PTPRT: variants seen among roughly 807,000 people sequenced by gnomAD.
PTPRT encodes the protein receptor-type tyrosine-protein phosphatase T.
Under a neutral mutation model 176.8 loss-of-function variants are expected in PTPRT, and 56 were observed. That is an observed-to-expected ratio of 0.32 (90% CI 0.26 to 0.40). The LOEUF is 0.40. Ranked by LOEUF, PTPRT falls within the 10% of genes least tolerant of loss-of-function variation. The pLI is 1.00. For missense variants in PTPRT, 1,540 were observed against 1,908.2 expected (o/e 0.81, Z 3.60); for synonymous variants, 783 against 739.0 (o/e 1.06, Z -0.96).
intron 9 of PTPRT, among the ~76,000 whole-genome samples, chr20:42,352,862 C>A (rs2058306064): frequency 6.6e-6 from 1 of 151,602 alleles, no homozygotes; most frequent in Non-Finnish European, 1.5e-5. Flanking sequence ...TATGTACCCA[C>A]AAAAAATTTT....
chr20:42,401,049 G>A (rs1166954481), intron 9 of PTPRT, among the ~76,000 whole-genome samples: 1 of 151,928 alleles, frequency 6.6e-6, no homozygotes, highest in African/African-American at 2.4e-5. Flanking sequence ...AACCAGGACA[G>A]GAACACAGGA....
At chr20:42,469,264 C>T (rs1001845054) in intron 8 of PTPRT, among the ~76,000 whole-genome samples, 1 of 152,052 alleles carries the variant, frequency 6.6e-6, no homozygotes, top group Non-Finnish European at 1.5e-5. Flanking sequence ...AGTGCAGTGG[C>T]GCGATCTCGG....
At chr20:43,071,559 G>A (rs1344927063) in intron 1 of PTPRT, among the ~76,000 whole-genome samples, 1 of 152,166 alleles carries the variant, frequency 6.6e-6, no homozygotes, top group Admixed American at 6.5e-5. Flanking sequence ...GCCGATGCAG[G>A]TGGATGACAT....
At chr20:42,835,745 C>T (rs989250329) in intron 2 of PTPRT, among the ~76,000 whole-genome samples, 40 of 152,038 alleles carry the variant, frequency 2.6e-4, no homozygotes, top group African/African-American at 7.7e-4. Context: ...TTATTCTTTA[C>T]AATTTCCTAT....
chr20:42,629,899 T>TA (rs1198044883), intron 7 of PTPRT, among the ~76,000 whole-genome samples: 2 of 152,198 alleles, frequency 1.3e-5, no homozygotes, highest in Admixed American at 1.3e-4. Context: ...CTCTTAGCGT[T>TA]AGAGTCCACA....
rs145995902 is a variant in PTPRT, at chr20:42,424,904, C to G, written c.1560+23316G>C. 7.1e-3 allele frequency among the ~76,000 whole-genome samples: 1,062 copies of G among 150,032 alleles called. 1 individual carries two copies. The highest frequency in any genetic ancestry group is 0.012 in the Admixed American group (185 of 15,012). ...GAGAGTTGCCTCTCTCTGACGTATG[C>G]GTGGAAAAAGATGGATTTAAGCAAA... On this transcript the variant is annotated intron_variant, in intron 9 of 30. Transcript: ENST00000373187.
intron 9 of PTPRT, among the ~76,000 whole-genome samples, chr20:42,381,879 GTA>G (rs1247149032): frequency 6.6e-6 from 1 of 151,904 alleles, no homozygotes; most frequent in Admixed American, 6.6e-5. Flanking sequence ...GCCTTTTTTT[GTA>G]TAAAAGAAAA....
At chr20:43,186,476 G>A (rs907371037) in intron 1 of PTPRT, among the ~76,000 whole-genome samples, 1 of 152,174 alleles carries the variant, frequency 6.6e-6, no homozygotes. Context: ...ACGGAGTCAG[G>A]GGAGTATCCT....
intron 7 of PTPRT, among the ~76,000 whole-genome samples, chr20:42,489,443 T>C (rs937403868): frequency 4.6e-5 from 7 of 152,106 alleles, no homozygotes; most frequent in Admixed American, 3.3e-4. Context: ...GAGATTTCTG[T>C]TGCGGGTTAA....
intron 16 of PTPRT, among the ~76,000 whole-genome samples, chr20:42,193,442 T>C (rs1486619050): frequency 6.6e-6 from 1 of 152,196 alleles, no homozygotes; most frequent in Non-Finnish European, 1.5e-5. Context: ...CCTTCCTCTG[T>C]GAGACTGGTG....
At chr20:42,869,732 T>C (rs900331342) in intron 2 of PTPRT, among the ~76,000 whole-genome samples, 2 of 152,198 alleles carry the variant, frequency 1.3e-5, no homozygotes, top group African/African-American at 2.4e-5. Flanking sequence ...GTATTTTGTA[T>C]ATGAGAAGGA....
chr20:42,648,814 G>A (rs2074965669), intron 7 of PTPRT, among the ~76,000 whole-genome samples: 1 of 108,988 alleles, frequency 9.2e-6, no homozygotes. Context: ...TTTTTTTGGT[G>A]TCGTTGTTTT....
At chr20:42,502,146 G>C (rs939708575) in intron 7 of PTPRT, among the ~76,000 whole-genome samples, 2 of 151,656 alleles carry the variant, frequency 1.3e-5, no homozygotes, top group Non-Finnish European at 2.9e-5. Flanking sequence ...TACCTTTTTA[G>C]TCTCACTTAT....
chr20:42,178,606 G>A (rs780782851), intron 16 of PTPRT, among the ~76,000 whole-genome samples: 3 of 152,092 alleles, frequency 2.0e-5, no homozygotes, highest in Non-Finnish European at 2.9e-5. Flanking sequence ...AAACATATAC[G>A]ATCTCAGTTT....
intron 4 of PTPRT, among the ~76,000 whole-genome samples, chr20:42,772,441 A>G (rs1569147402): frequency 6.6e-6 from 1 of 152,200 alleles, no homozygotes; most frequent in Non-Finnish European, 1.5e-5. Context: ...GGGTCTTTCA[A>G]ATGAAAATCA....
intron 8 of PTPRT, among the ~76,000 whole-genome samples, chr20:42,457,019 TTTTTTAATTAATAG>T: frequency 6.6e-6 from 1 of 152,302 alleles, no homozygotes; most frequent in Non-Finnish European, 1.5e-5. Flanking sequence ...TTAAGTCAAG[TTTTTTAATTAATAG>T]TTTGCCATAT....
chr20:43,189,735 CG>C lies in PTPRT; in HGVS notation c.-3del. ...GGCGAGCGCGGCGAGGCTCGCCATC[CG>C]GGCGGCGGCGGGCAGCTCAGCCCCT... is the stretch of plus-strand genomic sequence containing the variant. On this transcript the variant is annotated 5_prime_UTR_variant, in exon 1 of 31. Coordinates refer to ENST00000373187, the MANE Select transcript of PTPRT (RefSeq NM_007050.6). The surrounding 1 kb of genome is among the most constrained non-coding windows in gnomAD (Gnocchi z 5.0). 1.6e-6 allele frequency: 2 copies of C among 1,231,264 alleles called. No homozygotes were observed. The highest frequency in any genetic ancestry group is 1.0e-6 in the Non-Finnish European group (1 of 987,876). The allele number at this position is 1,231,264 out of a possible 1,614,324, so 76.3% of individuals were successfully genotyped here.
intron 1 of PTPRT, among the ~76,000 whole-genome samples, chr20:43,181,741 C>T (rs1322505955): frequency 6.6e-6 from 1 of 152,112 alleles, no homozygotes; most frequent in Admixed American, 6.5e-5. Flanking sequence ...CAAAAATATG[C>T]ACCCAGATTC....
intron 7 of PTPRT, among the ~76,000 whole-genome samples, chr20:42,654,660 AATGACTCTCTAC>A (rs2075092200): frequency 6.6e-6 from 1 of 152,216 alleles, no homozygotes; most frequent in Non-Finnish European, 1.5e-5. Flanking sequence ...GGGCACCTTG[AATGACTCTCTAC>A]ATATCTGTTC....
Sources: allele counts gnomAD v4.1 joint callset (sites outside exome capture counted in the v4.1 genomes callset), GRCh38; gene constraint gnomAD v4.1.1; non-coding constraint Gnocchi (gnomAD v3.1); transcripts MANE v1.5; gene names NCBI Gene and HGNC (gene_info 2026-07-23, HGNC 2026-07-21).